Variants in CGGBP1 observed in about 807,000 individuals in gnomAD.
The protein encoded by CGGBP1 is CGG triplet repeat-binding protein 1.
A neutral mutation model predicts 11.4 loss-of-function variants in CGGBP1; 4 were observed. The ratio of observed to expected loss-of-function variants is 0.35; its 90% CI spans 0.17 to 0.80. The LOEUF is 0.80. Among genes scored for constraint, CGGBP1 ranks in the 30% least tolerant of loss-of-function variants. The pLI is 0.52. For synonymous variants in CGGBP1, 76 were observed against 74.1 expected (o/e 1.03, Z -0.13); for missense variants, 135 against 202.1 (o/e 0.67, Z 2.01).
chr3:88,088,750 A>T (rs1559701560), intron 2 of CGGBP1, among the ~76,000 whole-genome samples: 1 of 126,696 alleles, frequency 7.9e-6, no homozygotes, highest in East Asian at 2.4e-4. Flanking sequence ...TTATTTATGT[A>T]TGTATGTATG....
intron 2 of CGGBP1, among the ~76,000 whole-genome samples, chr3:88,118,975 G>T: frequency 6.8e-6 from 1 of 147,600 alleles, no homozygotes; most frequent in Non-Finnish European, 1.5e-5. Flanking sequence ...AAGTCAGTGT[G>T]GCGATTCCTC....
intron 2 of CGGBP1, among the ~76,000 whole-genome samples, chr3:88,132,475 A>G (rs376392038): frequency 7.2e-4 from 109 of 152,286 alleles, no homozygotes; most frequent in Non-Finnish European, 1.2e-3. Flanking sequence ...AAGACTGTCA[A>G]TGGTTTTCAG....
chr3:88,094,308 T>C (rs1703927544), intron 2 of CGGBP1, among the ~76,000 whole-genome samples: 1 of 152,158 alleles, frequency 6.6e-6, no homozygotes, highest in Non-Finnish European at 1.5e-5. Context: ...TAGTTGTGAC[T>C]AGCATCTTTT....
At chr3:88,133,319 T>TC (rs749860328) in intron 2 of CGGBP1, among the ~76,000 whole-genome samples, 2 of 152,212 alleles carry the variant, frequency 1.3e-5, no homozygotes, top group African/African-American at 2.4e-5. Context: ...TTTAGGTCTC[T>TC]CTTATTTCCA....
At chr3:88,126,986 T>C (rs1232841436) in intron 2 of CGGBP1, among the ~76,000 whole-genome samples, 1 of 152,184 alleles carries the variant, frequency 6.6e-6, no homozygotes, top group East Asian at 1.9e-4. Flanking sequence ...CAGGAGGCTT[T>C]GTCAACTGCT....
intron 2 of CGGBP1, among the ~76,000 whole-genome samples, chr3:88,098,057 C>G (rs546835196): frequency 2.4e-4 from 36 of 151,886 alleles, no homozygotes; most frequent in Middle Eastern, 6.8e-3. Context: ...GTTTTTGAAA[C>G]GATCAACAAA....
At chr3:88,071,231 C>CAGT (rs1707492958) in intron 2 of CGGBP1, among the ~76,000 whole-genome samples, 1 of 152,144 alleles carries the variant, frequency 6.6e-6, no homozygotes, top group Non-Finnish European at 1.5e-5. Flanking sequence ...TGTATTGGGC[C>CAGT]AGTAGTGGTG....
chr3:88,134,676 T>C (rs1005258584), intron 2 of CGGBP1, among the ~76,000 whole-genome samples: 1 of 152,130 alleles, frequency 6.6e-6, no homozygotes, highest in Non-Finnish European at 1.5e-5. Context: ...ACCATTTCTT[T>C]ATAGAGAGTC....
intron 2 of CGGBP1, among the ~76,000 whole-genome samples, chr3:88,099,299 G>T (rs1396995254): frequency 6.6e-6 from 1 of 152,116 alleles, no homozygotes; most frequent in Non-Finnish European, 1.5e-5. Flanking sequence ...TCTTCAAGGA[G>T]AACTGCAAAT....
At chr3:88,129,295 TCAA>T (rs1333356604) in intron 2 of CGGBP1, among the ~76,000 whole-genome samples, 1 of 85,754 alleles carries the variant, frequency 1.2e-5, no homozygotes. Context: ...CAAATAAAAG[TCAA>T]CAAGCTCACA....
At chr3:88,067,859 G>T (rs1707289234) in intron 2 of CGGBP1, among the ~76,000 whole-genome samples, 1 of 151,982 alleles carries the variant, frequency 6.6e-6, no homozygotes, top group Non-Finnish European at 1.5e-5. Flanking sequence ...AGGCATTGTG[G>T]ATTGAAGGTA....
chr3:88,115,471 G>T (rs1202114723), intron 2 of CGGBP1, among the ~76,000 whole-genome samples: 1 of 152,308 alleles, frequency 6.6e-6, no homozygotes, highest in African/African-American at 2.4e-5. Flanking sequence ...AAATGATCAT[G>T]TCACTGTTTT....
intron 1 of CGGBP1, among the ~76,000 whole-genome samples, chr3:88,146,374 T>G (rs181271986): frequency 6.7e-4 from 102 of 152,296 alleles, no homozygotes; most frequent in Non-Finnish European, 1.1e-3. Context: ...TAATAGCTCC[T>G]TAAATGGTTG....
At chr3:88,131,057 A>AT (rs1405867534) in intron 2 of CGGBP1, among the ~76,000 whole-genome samples, 1 of 152,136 alleles carries the variant, frequency 6.6e-6, no homozygotes, top group Non-Finnish European at 1.5e-5. Context: ...TTGTGTGAAT[A>AT]TTGTAGAGAT....
At chr3:88,103,762 CTTTTTT>C (rs56210218) in intron 2 of CGGBP1, among the ~76,000 whole-genome samples, 1 of 83,366 alleles carries the variant, frequency 1.2e-5, no homozygotes, top group Non-Finnish European at 2.4e-5. Context: ...GATGTATTAA[CTTTTTT>C]TTTTTTTTTT....
chr3:88,092,182 G>A (rs1703782660), intron 2 of CGGBP1, among the ~76,000 whole-genome samples: 1 of 152,084 alleles, frequency 6.6e-6, no homozygotes, highest in Non-Finnish European at 1.5e-5. Context: ...CCTACTAAAA[G>A]AGTAGTAAAT....
chr3:88,083,446 A>G (rs1424247971), intron 2 of CGGBP1, among the ~76,000 whole-genome samples: 1 of 152,150 alleles, frequency 6.6e-6, no homozygotes. Flanking sequence ...GTGCTGCTGG[A>G]TTATTAGCAT....
chr3:88,086,438 T>C, intron 2 of CGGBP1: 2 of 1,423,884 alleles, frequency 1.4e-6, no homozygotes, highest in Non-Finnish European at 1.8e-6. Context: ...TGCATTATTT[T>C]TCTTGATGTG....
intron 2 of CGGBP1, among the ~76,000 whole-genome samples, chr3:88,123,248 C>G (rs1383613351): frequency 6.6e-6 from 1 of 152,008 alleles, no homozygotes; most frequent in Non-Finnish European, 1.5e-5. Flanking sequence ...AAAATGAAAT[C>G]TTTATTTCAT....
Sources: gnomAD v4.1 joint callset for allele counts (sites outside exome capture counted in the v4.1 genomes callset) on GRCh38, gnomAD v4.1.1 for gene constraint, MANE v1.5 for transcripts, NCBI Gene and HGNC (gene_info 2026-07-23, HGNC 2026-07-21) for gene names.